The following STARD13 variants were observed in gnomAD, a reference collection of about 807,000 sequenced individuals.
STARD13 encodes StAR related lipid transfer domain containing 13.
A neutral mutation model predicts 106.4 loss-of-function variants in STARD13; 62 were observed. The observed-to-expected ratio is 0.58, with a 90% CI of 0.48 to 0.72. The LOEUF (loss-of-function observed/expected upper bound fraction) is 0.72, where lower values mean the gene tolerates loss of function less well. Ranked by LOEUF, STARD13 falls within the 30% of genes least tolerant of loss-of-function variation. STARD13 has a pLI of 0.00. For synonymous variants in STARD13, 565 were observed against 553.0 expected (o/e 1.02, Z -0.31); for missense variants, 1,387 against 1,424.0 (o/e 0.97, Z 0.42).
At chr13:33,647,667 C>T in the STARD13 span, among the ~76,000 whole-genome samples, 1 of 152,082 alleles carries the variant, frequency 6.6e-6, no homozygotes, top group African/African-American at 2.4e-5. Context: ...TTGTTGAATC[C>T]CTGTTCATAA....
At chr13:33,615,208 G>A in the STARD13 span, among the ~76,000 whole-genome samples, 5 of 152,262 alleles carry the variant, frequency 3.3e-5, no homozygotes, top group Non-Finnish European at 7.4e-5. Context: ...AATTTAGTGG[G>A]TGGTGGTGTC....
chr13:33,568,056 G>A, the STARD13 span, among the ~76,000 whole-genome samples: 1 of 147,786 alleles, frequency 6.8e-6, no homozygotes, highest in Non-Finnish European at 1.5e-5. Context: ...TAAATTAATA[G>A]TCAATATATT....
intron 7 of STARD13, among the ~76,000 whole-genome samples, chr13:33,119,279 A>G (rs1016272440): frequency 8.5e-5 from 13 of 152,182 alleles, no homozygotes; most frequent in Non-Finnish European, 1.6e-4. Context: ...GATTTGCTTC[A>G]ACCCTCAATT....
chr13:33,201,070 TAAAAATAA>T (rs1886999961), intron 1 of STARD13, among the ~76,000 whole-genome samples: 2 of 149,160 alleles, frequency 1.3e-5, no homozygotes, highest in Admixed American at 6.6e-5. Context: ...CAAATAAAAA[TAAAAATAA>T]AAAAATAAAA....
intron 1 of STARD13, among the ~76,000 whole-genome samples, chr13:33,197,661 A>G (rs976168258): frequency 6.6e-6 from 1 of 152,196 alleles, no homozygotes; most frequent in Non-Finnish European, 1.5e-5. Context: ...AGTAAGTGCT[A>G]ATGTATGCTT....
chr13:33,132,289 T>C (rs1373599787), intron 4 of STARD13, among the ~76,000 whole-genome samples: 2 of 152,230 alleles, frequency 1.3e-5, no homozygotes, highest in Non-Finnish European at 2.9e-5. Flanking sequence ...TTTTGATGTG[T>C]TATGGGAGGG....
the STARD13 span, among the ~76,000 whole-genome samples, chr13:33,544,770 C>CTTTT: frequency 1.6e-4 from 17 of 108,720 alleles, no homozygotes; most frequent in East Asian, 2.1e-3. Context: ...TGTTTTTTCT[C>CTTTT]TTTTTTTTTT....
the STARD13 span, among the ~76,000 whole-genome samples, chr13:33,668,272 G>A: frequency 6.6e-6 from 1 of 152,138 alleles, no homozygotes; most frequent in African/African-American, 2.4e-5. Flanking sequence ...GCAAATATCT[G>A]TTCAAAAATG....
the STARD13 span, among the ~76,000 whole-genome samples, chr13:33,407,382 T>C: frequency 7.9e-5 from 12 of 152,274 alleles, no homozygotes; most frequent in South Asian, 2.1e-4. Flanking sequence ...GTCAGAGAGG[T>C]AAAGCGCTTC....
chr13:33,350,601 T>A, exon 1 of STARD13: 1 of 1,383,878 alleles, frequency 7.2e-7, no homozygotes, highest in Non-Finnish European at 9.3e-7. Flanking sequence ...CCGGGATGCC[T>A]GGCCACCAGA....
chr13:33,529,302 G>A, the STARD13 span, among the ~76,000 whole-genome samples: 1 of 152,188 alleles, frequency 6.6e-6, no homozygotes, highest in East Asian at 1.9e-4. Context: ...TGAGAACACA[G>A]AAGAGTCATC....
At chr13:33,544,109 T>TAG in the STARD13 span, among the ~76,000 whole-genome samples, 12 of 152,356 alleles carry the variant, frequency 7.9e-5, no homozygotes, top group African/African-American at 2.9e-4. Flanking sequence ...AATTGTTCTT[T>TAG]AGCTGTTAAA....
chr13:33,599,217 C>A, the STARD13 span, among the ~76,000 whole-genome samples: 1 of 152,136 alleles, frequency 6.6e-6, no homozygotes, highest in Non-Finnish European at 1.5e-5. Context: ...TCTTACATCC[C>A]AGCCTTAAAA....
chr13:33,170,587 G>T (rs1200521788), intron 1 of STARD13, among the ~76,000 whole-genome samples: 1 of 152,066 alleles, frequency 6.6e-6, no homozygotes, highest in Non-Finnish European at 1.5e-5. Flanking sequence ...TAAACTTTTA[G>T]ACCTCAGGCT....
the STARD13 span, among the ~76,000 whole-genome samples, chr13:33,664,922 G>A: frequency 6.6e-6 from 1 of 152,146 alleles, no homozygotes; most frequent in East Asian, 1.9e-4. Context: ...CACTACGCCC[G>A]GCCAAAAACT....
chr13:33,105,800 C>T (rs979589332), intron 13 of STARD13, 90 bp from the exon 14 acceptor site: 19 of 1,087,506 alleles, frequency 1.7e-5, no homozygotes, highest in African/African-American at 1.1e-4. Flanking sequence ...CCTTGGGCCC[C>T]GATGACCAGT....
Position 33,133,653 on chromosome 13 carries a change from C to CAAA in STARD13, c.388-3367_388-3365dup, listed in dbSNP as rs35731008. 4.9e-3 allele frequency among the ~76,000 whole-genome samples: 724 copies of CAAA among 147,922 alleles called. 7 individuals carry two copies. The highest frequency in any genetic ancestry group is 0.012 in the African/African-American group (489 of 40,312). ...GGCATGCATACAGACTATACTAAAGCAAAAAAAAAAAAAATTTATGCTTAA... is the reference window on the plus strand; with the variant it reads ...GGCATGCATACAGACTATACTAAAGCAAAAAAAAAAAAAAAAATTTATGCTTAA... On this transcript the variant is annotated intron_variant, in intron 4 of 13. Coordinates refer to ENST00000336934, the MANE Select transcript of STARD13 (RefSeq NM_178006.4).
At chr13:33,255,107 C>CG (rs1385907166) in intron 1 of STARD13, among the ~76,000 whole-genome samples, 8 of 151,050 alleles carry the variant, frequency 5.3e-5, no homozygotes, top group Non-Finnish European at 5.9e-5. Flanking sequence ...CTCCCCCCCC[C>CG]CTCAGAGGCT....
chr13:33,139,420 C>A (rs925217592), intron 4 of STARD13, among the ~76,000 whole-genome samples: 1 of 152,214 alleles, frequency 6.6e-6, no homozygotes, highest in Non-Finnish European at 1.5e-5. Context: ...CTTTTGCTAT[C>A]CCTACAAACT....
Sources: allele counts gnomAD v4.1 joint callset (sites outside exome capture counted in the v4.1 genomes callset), GRCh38; gene constraint gnomAD v4.1.1; transcripts MANE v1.5; gene names NCBI Gene and HGNC (gene_info 2026-07-23, HGNC 2026-07-21).